The following LYRM4 variants were observed in gnomAD, a reference collection of about 807,000 sequenced individuals.
The protein encoded by LYRM4 is LYR motif-containing protein 4.
A neutral mutation model predicts 11.7 loss-of-function variants in LYRM4; 9 were observed. The ratio of observed to expected loss-of-function variants is 0.77; its 90% confidence interval spans 0.46 to 1.34. The LOEUF (loss-of-function observed/expected upper bound fraction) is 1.34. Among genes scored for constraint, LYRM4 ranks in the 40% most tolerant of loss-of-function variants. The pLI, the probability that LYRM4 is intolerant of heterozygous loss-of-function variation, is 0.00. For synonymous variants in LYRM4, 42 were observed against 40.4 expected, an observed-to-expected ratio of 1.04 and a Z score of -0.15; for missense variants, 133 against 112.5, an observed-to-expected ratio of 1.18 and a Z score of -0.82.
chr6:5,226,878 T>C lies in LYRM4; in HGVS notation c.87-10140A>G, dbSNP rs571788199. ...GATTTTAAAGTTCCTATTGATATAA[T>C]AAAAATCAGTAATATACCACAATAA... On this transcript the variant is annotated intron_variant, in intron 1 of 2. Transcript: ENST00000330636. Among the ~76,000 whole-genome samples, 13 of 152,214 alleles carry C rather than the reference T, an allele frequency of 8.5e-5. No individual in the cohort carries two copies. In the East Asian group the frequency reaches 1.4e-3, roughly 16 times the overall value.
chr6:5,072,025 G>A, the LYRM4 span, among the ~76,000 whole-genome samples: 1 of 152,082 alleles, frequency 6.6e-6, no homozygotes, highest in African/African-American at 2.4e-5. Context: ...TCCCCACCAT[G>A]TGCCCATGTG....
chr6:5,085,812 G>C, the LYRM4 span: 6 of 1,527,908 alleles, frequency 3.9e-6, no homozygotes, highest in Admixed American at 1.2e-4. Context: ...CGGTGGCACT[G>C]GGCGGCGAGG....
intron 2 of LYRM4, among the ~76,000 whole-genome samples, chr6:5,114,362 A>G (rs568492133): frequency 5.3e-4 from 80 of 152,280 alleles, no homozygotes; most frequent in Middle Eastern, 3.4e-3. Context: ...ATAAACCTCC[A>G]TCTTTTAAAA....
chr6:5,081,315 T>C, the LYRM4 span, among the ~76,000 whole-genome samples: 1 of 152,166 alleles, frequency 6.6e-6, no homozygotes, highest in African/African-American at 2.4e-5. Context: ...CCACCATCCA[T>C]TGTGCCAGAG....
At chr6:5,143,246 C>T (rs1049416372) in intron 2 of LYRM4, among the ~76,000 whole-genome samples, 3 of 152,230 alleles carry the variant, frequency 2.0e-5, no homozygotes, top group Admixed American at 6.5e-5. Context: ...ATTCAGGGTA[C>T]GGTGGCCAAT....
At chr6:5,119,462 C>T (rs467304) in intron 2 of LYRM4, among the ~76,000 whole-genome samples, 36,750 of 151,876 alleles carry the variant, frequency 0.24, 5,888 homozygotes, top group East Asian at 0.62. Flanking sequence ...GCATGCTGCA[C>T]CGGCTTGTTG....
At chr6:5,095,010 A>C in the LYRM4 span, among the ~76,000 whole-genome samples, 1 of 152,208 alleles carries the variant, frequency 6.6e-6, no homozygotes, top group Non-Finnish European at 1.5e-5. Context: ...CACCAAGATA[A>C]TCGTTCGAGA....
intron 2 of LYRM4, among the ~76,000 whole-genome samples, chr6:5,152,300 A>T (rs1358708527): frequency 1.3e-5 from 2 of 152,160 alleles, no homozygotes; most frequent in Non-Finnish European, 2.9e-5. Flanking sequence ...GCAGGCAAGT[A>T]TGTGATGCCA....
the LYRM4 span, among the ~76,000 whole-genome samples, chr6:5,092,128 C>A: frequency 6.6e-6 from 1 of 152,176 alleles, no homozygotes; most frequent in Non-Finnish European, 1.5e-5. Flanking sequence ...ATGAACACAT[C>A]CTGCAGATGG....
chr6:5,247,724 G>A (rs1013540289), intron 1 of LYRM4, among the ~76,000 whole-genome samples: 62 of 152,076 alleles, frequency 4.1e-4, no homozygotes, highest in Non-Finnish European at 4.4e-5. Flanking sequence ...ATCACACCAG[G>A]AACAAAAGAA....
downstream of LYRM4, chr6:5,104,222 T>C (rs1159467032): frequency 6.6e-6 from 1 of 152,206 alleles, no homozygotes; most frequent in Non-Finnish European, 1.5e-5. Context: ...AGTTATTTGC[T>C]CTACAGAGTT....
chr6:5,243,222 A>G (rs951343200), intron 1 of LYRM4, among the ~76,000 whole-genome samples: 1 of 152,204 alleles, frequency 6.6e-6, no homozygotes, highest in African/African-American at 2.4e-5. Context: ...TTTTATTTGC[A>G]GTGCCCCGTC....
chr6:5,193,416 TCTTTCTGACTCTTCC>T (rs1199620893), intron 2 of LYRM4, among the ~76,000 whole-genome samples: 1 of 152,212 alleles, frequency 6.6e-6, no homozygotes, highest in African/African-American at 2.4e-5. Context: ...AAGGCAGGGT[TCTTTCTGACTCTTCC>T]CAAAGCATCT....
chr6:5,086,082 G>A, the LYRM4 span: 52 of 1,465,850 alleles, frequency 3.5e-5, no homozygotes, highest in Non-Finnish European at 4.6e-5. Context: ...GGCTCCGGCC[G>A]CTCTTCCAGC....
At chr6:5,252,051 A>G (rs1162209338) in intron 1 of LYRM4, among the ~76,000 whole-genome samples, 2 of 152,224 alleles carry the variant, frequency 1.3e-5, no homozygotes, top group Non-Finnish European at 2.9e-5. Context: ...TGTGTAGTAC[A>G]TAGTAAGCGA....
At chr6:5,243,755 T>A (rs1764017127) in intron 1 of LYRM4, among the ~76,000 whole-genome samples, 1 of 152,272 alleles carries the variant, frequency 6.6e-6, no homozygotes, top group Middle Eastern at 3.4e-3. Context: ...AAACAAAGAG[T>A]TATTTTTCCA....
intron 2 of LYRM4, among the ~76,000 whole-genome samples, chr6:5,115,275 G>T (rs1399152774): frequency 2.0e-5 from 3 of 152,172 alleles, no homozygotes; most frequent in Non-Finnish European, 1.5e-5. Flanking sequence ...GATGGATCTT[G>T]CAAAACTACT....
the LYRM4 span, chr6:5,085,481 G>T: frequency 8.6e-3 from 13,182 of 1,531,362 alleles, 87 homozygotes; most frequent in African/African-American, 0.039. Context: ...GGGGCGAACG[G>T]CGTCATGGAG....
chr6:5,260,900 G>A lies in LYRM4; in HGVS notation c.-167C>T, dbSNP rs1034892894. On this transcript the variant is annotated 5_prime_UTR_variant, in exon 1 of 3. Coordinates refer to ENST00000330636, the MANE Select transcript of LYRM4 (RefSeq NM_020408.6). Reference sequence around the variant, plus strand: ...TAAGCGGGCAGCCCTGCGGATCGCGGACGGCGCCAGGCGTCCCGCGCCGCT... The same window carrying A: ...TAAGCGGGCAGCCCTGCGGATCGCGAACGGCGCCAGGCGTCCCGCGCCGCT... The A allele has an allele frequency of 2.9e-6, 4 of 1,396,368 alleles. No individual in the cohort carries two copies. Among genetic ancestry groups the A allele is most frequent in the Non-Finnish European group, 2.8e-6 (3 of 1,081,430 alleles). The allele number at this position is 1,396,368 out of a possible 1,614,324, so 86.5% of individuals were successfully genotyped here.
Sources: allele counts gnomAD v4.1 joint callset (sites outside exome capture counted in the v4.1 genomes callset), GRCh38; gene constraint gnomAD v4.1.1; transcripts MANE v1.5; gene names NCBI Gene and HGNC (gene_info 2026-07-23, HGNC 2026-07-21).